The following ABCA3 variants were observed in gnomAD, a reference collection of about 807,000 sequenced individuals.
The protein encoded by ABCA3 is phospholipid-transporting ATPase ABCA3.
Under a neutral mutation model 172.8 loss-of-function variants are expected in ABCA3, and 88 were observed. That is an observed-to-expected ratio of 0.51 (90% CI 0.43 to 0.61). ABCA3 has a LOEUF of 0.61. Ranked by LOEUF, ABCA3 falls within the 20% of genes least tolerant of loss-of-function variation. The pLI is 0.00. For synonymous variants in ABCA3, 1,066 were observed against 983.8 expected, an observed-to-expected ratio of 1.08 and a Z score of -1.56; for missense variants, 2,164 against 2,301.0, an observed-to-expected ratio of 0.94 and a Z score of 1.22.
chr16:2,284,727 G>C lies in ABCA3; in HGVS notation c.3703+52C>G, dbSNP rs551957086. On this transcript the variant is annotated intron_variant, in intron 24 of 32. Transcript: ENST00000301732. This position sits in a 1 kb window ranked among gnomAD's most constrained non-coding sequence, Gnocchi z 5.9. ...TGGCTGGTGCCTCCCTGTCTGGGCG[G>C]AGTGGCTCCGTGGATGGCCATGGGG... 3.3e-5 allele frequency: 51 copies of C among 1,566,936 alleles called. No homozygotes were observed. In the African/African-American group the frequency reaches 5.7e-4, roughly 17 times the overall value.
chr16:2,326,074 A>C lies in ABCA3; in HGVS notation c.255T>G (p.Ser85=). ...TGACGGTCTTGGCAGCGTCACTGTG[A>C]GAAGGGATGTAGGCAAGCTCCCAGG... ...GDTWELAYIP[S]HSDAAKTVTE... Residue 85 remains serine, a synonymous_variant, in exon 5 of 33, where the codon TCT becomes TCG. Transcript: ENST00000301732. 6.2e-7 allele frequency: 1 copy of C among 1,614,056 alleles called. No homozygotes were observed. The highest frequency in any genetic ancestry group is 1.6e-4 in the Middle Eastern group (1 of 6,062).
chr16:2,300,207 C>G, intron 12 of ABCA3, 59 bp from the exon 13 acceptor site: 1 of 1,607,968 alleles, frequency 6.2e-7, no homozygotes. Flanking sequence ...AAGCAACAAC[C>G]AGCAGACACA....
At chr16:2,289,961 T>TCACACACACACACACACACACA (rs3138606) in intron 19 of ABCA3, among the ~76,000 whole-genome samples, 15 of 138,210 alleles carry the variant, frequency 1.1e-4, no homozygotes, top group African/African-American at 2.8e-4. Context: ...GTGAATTACA[T>TCACACACACACACACACACACA]CACACACACA....
At chr16:2,280,046 C>T (rs2093652706) in intron 28 of ABCA3, among the ~76,000 whole-genome samples, 1 of 152,202 alleles carries the variant, frequency 6.6e-6, no homozygotes, top group African/African-American at 2.4e-5. Context: ...ACGCTCCCAG[C>T]CCAGAATCTG....
chr16:2,306,700 G>A (rs1169624517), intron 11 of ABCA3, among the ~76,000 whole-genome samples: 2 of 152,134 alleles, frequency 1.3e-5, no homozygotes, highest in African/African-American at 4.8e-5. Flanking sequence ...GACCAAGGAA[G>A]TGTTTTACTC....
chr16:2,325,968 G>A lies in ABCA3; in HGVS notation c.319+42C>T. 3 of 1,610,256 alleles carry A rather than the reference G, an allele frequency of 1.9e-6. No individual in the cohort carries two copies. The South Asian group carries it at 3.3e-5, about 18-fold the overall frequency. On this transcript the variant is annotated intron_variant, in intron 5 of 32. Transcript: ENST00000301732. ...ACCCCTGCCTGCCCAGCCGCGTGGA[G>A]GCACCACTAGGCCTGGCACCGAGAG... is the stretch of plus-strand genomic sequence containing the variant.
chr16:2,334,762 C>G (rs1422185372), intron 1 of ABCA3, among the ~76,000 whole-genome samples: 3 of 151,722 alleles, frequency 2.0e-5, no homozygotes, highest in African/African-American at 7.3e-5. Flanking sequence ...AGGTGATCCA[C>G]CTGCCTCAGC....
chr16:2,302,751 C>G (rs1165017534), intron 12 of ABCA3, among the ~76,000 whole-genome samples: 1 of 151,698 alleles, frequency 6.6e-6, no homozygotes, highest in East Asian at 1.9e-4. Flanking sequence ...TCCCAAAGTG[C>G]TGGGATTACA....
In ABCA3 at chr16:2,326,487, C is replaced by G. The variant is rs766576287; in HGVS notation, c.-21G>C. On this transcript the variant is annotated 5_prime_UTR_variant, in exon 4 of 33. Coordinates refer to ENST00000301732, the MANE Select transcript of ABCA3 (RefSeq NM_001089.3). Reference sequence around the variant, plus strand: ...GCCATCGTCTTGCTGAAAGGGACGCCCAGTGCTAGTTACAGACCAAAGACA... The same window carrying G: ...GCCATCGTCTTGCTGAAAGGGACGCGCAGTGCTAGTTACAGACCAAAGACA... 1 of 1,604,060 alleles carries G rather than the reference C, an allele frequency of 6.2e-7. No homozygotes were observed.
chr16:2,293,829 G>A (rs999215623), intron 18 of ABCA3, among the ~76,000 whole-genome samples: 9 of 151,758 alleles, frequency 5.9e-5, no homozygotes, highest in African/African-American at 1.2e-4. Context: ...GTGAGCCACC[G>A]TGCCTGGCCA....
Position 2,285,353 on chromosome 16 carries a change from G to A in ABCA3, c.3483+89C>T. ...GGGCCGAGCTGCCGGCCTAGGGGCTGCCCAGCTGGTTCCGGTTCTGCACAG... is the reference window on the plus strand; with the variant it reads ...GGGCCGAGCTGCCGGCCTAGGGGCTACCCAGCTGGTTCCGGTTCTGCACAG... On this transcript the variant is annotated intron_variant, in intron 23 of 32. Coordinates refer to ENST00000301732, the MANE Select transcript of ABCA3 (RefSeq NM_001089.3). This position sits in a 1 kb window ranked among gnomAD's most constrained non-coding sequence, Gnocchi z 4.7. 5.4e-6 allele frequency: 8 copies of A among 1,485,166 alleles called. No individual in the cohort carries two copies. Among genetic ancestry groups the A allele is most frequent in the Non-Finnish European group, 7.3e-6 (8 of 1,094,150 alleles). 92.0% of individuals were successfully genotyped at this position (1,485,166 alleles called of 1,614,324 possible). A position where few individuals can be genotyped will look rare whatever the true frequency, so the allele number is the denominator to read the frequency against.
chr16:2,310,915 C>A (rs1273430920), intron 10 of ABCA3, among the ~76,000 whole-genome samples: 1 of 152,144 alleles, frequency 6.6e-6, no homozygotes, highest in Non-Finnish European at 1.5e-5. Context: ...TAATGTCTGA[C>A]TTAGCAGATT....
At chr16:2,319,431 GC>G in intron 8 of ABCA3, 149 bp downstream of exon 8, 10 of 1,112,852 alleles carry the variant, frequency 9.0e-6, no homozygotes, top group African/African-American at 1.6e-5. Context: ...CTTGCAGTGA[GC>G]CGAGATCGCA....
In ABCA3 at chr16:2,317,277, G is replaced by C; in HGVS notation, c.1111+6C>G. On this transcript the variant is annotated splice_donor_region_variant and intron_variant, in intron 10 of 32. Coordinates refer to ENST00000301732, the MANE Select transcript of ABCA3 (RefSeq NM_001089.3). Reference sequence around the variant, plus strand: ...AACCCCACTCTGCCCCATGACTGGGGCTCACCTTTGCTGAAGAAGGTGCTG... The same window carrying C: ...AACCCCACTCTGCCCCATGACTGGGCCTCACCTTTGCTGAAGAAGGTGCTG... 6.2e-7 allele frequency: 1 copy of C among 1,613,858 alleles called. No individual in the cohort carries two copies. Among genetic ancestry groups the C allele is most frequent in the African/African-American group, 1.3e-5 (1 of 75,050 alleles).
In ABCA3 at chr16:2,304,149, G is replaced by A; in HGVS notation, c.1287C>T (p.Gly429=). Residue 429 remains glycine, a splice_region_variant and synonymous_variant, in exon 12 of 33, where the codon GGC becomes GGT. Transcript: ENST00000301732. The part of the protein sequence containing the change: ...AQLIGKFEAK[G]MGIQWRDLLS... The stretch of plus-strand genomic sequence containing the variant: ...GGAGGTCTCGCCACTGGATGCCCAT[G>A]CCTGGAAGACACATCAGGAAAGTGG... 6.2e-7 allele frequency: 1 copy of A among 1,614,134 alleles called. No homozygotes were observed. The highest frequency in any genetic ancestry group is 1.7e-5 in the Admixed American group (1 of 60,008).
rs370104125 is a variant in ABCA3, at chr16:2,299,583, C to T, written c.1612-51G>A. 510 of 1,607,630 alleles carry T rather than the reference C, an allele frequency of 3.2e-4. 3 individuals are homozygous for T. The highest frequency in any genetic ancestry group is 2.0e-3 in the East Asian group (88 of 44,862). On this transcript the variant is annotated intron_variant, in intron 13 of 32. Transcript: ENST00000301732. ...GGGCTACCCACAGCCCCGAGGCCCA[C>T]GGCCAAGGCCTCTCCTGCTCCCCTG...
At chr16:2,304,444 C>G (rs1474486193) in intron 11 of ABCA3, among the ~76,000 whole-genome samples, 1 of 151,938 alleles carries the variant, frequency 6.6e-6, no homozygotes, top group Non-Finnish European at 1.5e-5. Context: ...TACATATGCA[C>G]CCACATCTAT....
intron 12 of ABCA3, among the ~76,000 whole-genome samples, chr16:2,303,589 A>T (rs2093692883): frequency 6.6e-6 from 1 of 152,060 alleles, no homozygotes; most frequent in Non-Finnish European, 1.5e-5. Context: ...CATTTTTATA[A>T]GAAGCTAGAT....
In ABCA3 at chr16:2,283,255, G is replaced by A. The variant is rs2093657851; in HGVS notation, c.3966C>T (p.Phe1322=). ...ASGCAYLILL[F]LIETNLLQRL... ...TCTGAAGCAGGTTGGTCTCGATGAG[G>A]AAGAGCAGGATGAGGTAGGCGCACC... The change falls in exon 26 of 33, where the codon TTC becomes TTT. Residue 1322 remains phenylalanine, a synonymous_variant. Transcript: ENST00000301732. The surrounding 1 kb of genome is among the most constrained non-coding windows in gnomAD (Gnocchi z 5.4). 1 of 1,613,502 alleles carries A rather than the reference G, an allele frequency of 6.2e-7. No homozygotes were observed. Among genetic ancestry groups the A allele is most frequent in the Non-Finnish European group, 8.5e-7 (1 of 1,179,996 alleles).
Sources: gnomAD v4.1 joint callset for allele counts (sites outside exome capture counted in the v4.1 genomes callset) on GRCh38, gnomAD v4.1.1 for gene constraint, Gnocchi (gnomAD v3.1) non-coding constraint, MANE v1.5 for transcripts, NCBI Gene and HGNC (gene_info 2026-07-23, HGNC 2026-07-21) for gene names.